The following SPATS2L variants were observed in gnomAD, a reference collection of about 807,000 sequenced individuals.
The protein encoded by SPATS2L is SPATS2-like protein.
SPATS2L carries 30 observed loss-of-function variants against 59.6 expected under a neutral mutation model. The observed-to-expected ratio is 0.50, with a 90% CI of 0.38 to 0.68. The LOEUF is 0.68. Among genes scored for constraint, SPATS2L ranks in the 30% least tolerant of loss-of-function variants. The pLI, the probability that SPATS2L is intolerant of heterozygous loss-of-function variation, is 0.00. For synonymous variants in SPATS2L, 252 were observed against 263.5 expected, an observed-to-expected ratio of 0.96 and a Z score of 0.42; for missense variants, 615 against 700.0, an observed-to-expected ratio of 0.88 and a Z score of 1.37.
intron 4 of SPATS2L, among the ~76,000 whole-genome samples, chr2:200,413,913 G>A (rs1353472089): frequency 6.6e-6 from 1 of 152,188 alleles, no homozygotes; most frequent in Non-Finnish European, 1.5e-5. Context: ...GAAGCAAATA[G>A]TAGAGAATGC....
chr2:200,477,683 C>T lies in SPATS2L; in HGVS notation c.1329C>T (p.Asn443=), dbSNP rs987293639. 3 of 1,566,360 alleles carry T rather than the reference C, an allele frequency of 1.9e-6. No homozygotes were observed. In the African/African-American group the frequency reaches 4.1e-5, roughly 21 times the overall value. Reference sequence around the variant, plus strand: ...GGAGATTTAATCCACAGTATCATAACAACAGGCTAAATGGGCCTGCCAAGT... The same window carrying T: ...GGAGATTTAATCCACAGTATCATAATAACAGGCTAAATGGGCCTGCCAAGT... The part of the protein sequence containing the change: ...QRRRFNPQYH[N]NRLNGPAKSQ... The change falls in exon 13 of 13, where the codon AAC becomes AAT. Residue 443 remains asparagine (N), a synonymous_variant. Transcript: ENST00000409140.
At chr2:200,314,737 C>A (rs1237818858) in intron 1 of SPATS2L, among the ~76,000 whole-genome samples, 1 of 152,176 alleles carries the variant, frequency 6.6e-6, no homozygotes, top group Admixed American at 6.5e-5. Context: ...CTGTTCAGTA[C>A]TGTAGCCACT....
chr2:200,408,214 G>C (rs2082754818), intron 3 of SPATS2L, among the ~76,000 whole-genome samples: 1 of 152,204 alleles, frequency 6.6e-6, no homozygotes, highest in Non-Finnish European at 1.5e-5. Context: ...CCCGGCCTGG[G>C]GGTGGGGGTT....
chr2:200,396,746 A>G (rs1164552093), intron 3 of SPATS2L, among the ~76,000 whole-genome samples: 4 of 152,154 alleles, frequency 2.6e-5, no homozygotes, highest in Non-Finnish European at 2.9e-5. Context: ...AGTGCAAACC[A>G]TGGAAGCTTT....
Position 200,359,413 on chromosome 2 carries a change from T to A in SPATS2L, c.-22-29810T>A, listed in dbSNP as rs564276276. The stretch of plus-strand genomic sequence containing the variant: ...TCACAAAACATAGATATCATGATGA[T>A]GTTTGTATCTTTAAAATGTTGAATG... On this transcript the variant is annotated intron_variant, in intron 2 of 12. Coordinates refer to ENST00000409140, the MANE Select transcript of SPATS2L (RefSeq NM_001100423.2). 5.5e-4 allele frequency among the ~76,000 whole-genome samples: 84 copies of A among 152,316 alleles called. 1 individual carries two copies. The highest frequency in any genetic ancestry group is 1.8e-3 in the African/African-American group (75 of 41,578).
chr2:200,432,317 A>C (rs1438953194), intron 6 of SPATS2L, among the ~76,000 whole-genome samples: 1 of 152,230 alleles, frequency 6.6e-6, no homozygotes, highest in Non-Finnish European at 1.5e-5. Flanking sequence ...CAGAGTCAGC[A>C]CATGGGATGG....
chr2:200,390,543 G>C (rs2082138801), intron 3 of SPATS2L: 1 of 152,552 alleles, frequency 6.6e-6, no homozygotes, highest in South Asian at 2.1e-4. Flanking sequence ...ACCATACAAA[G>C]ATCTGAGGAC....
chr2:200,342,250 G>T (rs2080356781), intron 2 of SPATS2L, among the ~76,000 whole-genome samples: 1 of 152,206 alleles, frequency 6.6e-6, no homozygotes, highest in Admixed American at 6.5e-5. Context: ...TAGACCAGTG[G>T]AAGAGAGGTA....
chr2:200,409,577 G>C (rs529555042), intron 3 of SPATS2L, among the ~76,000 whole-genome samples: 72 of 152,318 alleles, frequency 4.7e-4, no homozygotes, highest in Non-Finnish European at 9.0e-4. Flanking sequence ...GCCAAGCCAA[G>C]TGATTAAAGC....
chr2:200,455,026 G>A (rs1345476746), intron 8 of SPATS2L, among the ~76,000 whole-genome samples: 2 of 152,202 alleles, frequency 1.3e-5, no homozygotes, highest in Non-Finnish European at 2.9e-5. Context: ...AACCTTGTGT[G>A]TTTGGTGAGT....
chr2:200,318,777 G>A (rs560584982), intron 1 of SPATS2L, among the ~76,000 whole-genome samples: 71 of 152,272 alleles, frequency 4.7e-4, no homozygotes, highest in South Asian at 3.5e-3. Flanking sequence ...CAATGGAAAC[G>A]GAAAATGGAT....
chr2:200,427,396 T>C (rs2083640088), intron 6 of SPATS2L, among the ~76,000 whole-genome samples: 1 of 151,076 alleles, frequency 6.6e-6, no homozygotes, highest in East Asian at 1.9e-4. Context: ...ATTAAACCTG[T>C]TTTGCAGAGA....
At chr2:200,430,276 G>T (rs1042744773) in intron 6 of SPATS2L, among the ~76,000 whole-genome samples, 3 of 152,110 alleles carry the variant, frequency 2.0e-5, no homozygotes, top group South Asian at 2.1e-4. Context: ...AGAAGTGTAG[G>T]TTAATTAAAT....
chr2:200,349,170 T>C (rs916191367), intron 2 of SPATS2L, among the ~76,000 whole-genome samples: 3 of 152,214 alleles, frequency 2.0e-5, no homozygotes, highest in African/African-American at 7.2e-5. Context: ...CTCAGGCCTG[T>C]AGTTGGCATC....
chr2:200,419,704 CAG>C (rs2083229141), intron 6 of SPATS2L, among the ~76,000 whole-genome samples: 1 of 144,160 alleles, frequency 6.9e-6, no homozygotes, highest in Non-Finnish European at 1.5e-5. Context: ...TACACCAAGT[CAG>C]AGGATTTTTT....
At chr2:200,403,006 T>C (rs1226728520) in intron 3 of SPATS2L, among the ~76,000 whole-genome samples, 2 of 152,174 alleles carry the variant, frequency 1.3e-5, no homozygotes, top group African/African-American at 4.8e-5. Flanking sequence ...GAAAGATGAA[T>C]ATAAAATCCT....
intron 2 of SPATS2L, among the ~76,000 whole-genome samples, chr2:200,351,712 ATT>A (rs3835863): frequency 6.6e-6 from 1 of 151,428 alleles, no homozygotes; most frequent in Non-Finnish European, 1.5e-5. Context: ...ATAGATTGAG[ATT>A]TTTTTTTGAT....
At chr2:200,471,762 G>T (rs575222256) in intron 11 of SPATS2L, among the ~76,000 whole-genome samples, 38 of 152,326 alleles carry the variant, frequency 2.5e-4, no homozygotes, top group African/African-American at 8.9e-4. Context: ...GACTGGGGAT[G>T]TGTCCCTGGC....
chr2:200,355,273 A>AG (rs1188655088), intron 2 of SPATS2L, among the ~76,000 whole-genome samples: 8 of 152,230 alleles, frequency 5.3e-5, no homozygotes, highest in Non-Finnish European at 8.8e-5. Flanking sequence ...AGACACAGTT[A>AG]GGGGGTCTCA....
Sources: gnomAD v4.1 joint callset for allele counts (sites outside exome capture counted in the v4.1 genomes callset) on GRCh38, gnomAD v4.1.1 for gene constraint, MANE v1.5 for transcripts, NCBI Gene and HGNC (gene_info 2026-07-23, HGNC 2026-07-21) for gene names.